Variants in THRAP3 observed in about 807,000 individuals in gnomAD.
The protein encoded by THRAP3 is thyroid hormone receptor-associated protein 3.
THRAP3 carries 16 observed loss-of-function variants against 101.0 expected under a neutral mutation model. That is an observed-to-expected ratio of 0.16 (90% CI 0.11 to 0.24). The LOEUF is 0.24. Among genes scored for constraint, THRAP3 ranks in the 10% least tolerant of loss-of-function variants. The pLI is 1.00. For missense variants in THRAP3, 989 were observed against 1,202.7 expected (o/e 0.82, Z 2.63); for synonymous variants, 407 against 422.6 (o/e 0.96, Z 0.45).
the THRAP3 span, among the ~76,000 whole-genome samples, chr1:36,208,135 G>A: frequency 2.1e-3 from 317 of 152,272 alleles, 1 homozygote; most frequent in Admixed American, 4.4e-3. Flanking sequence ...CTAAACACAG[G>A]CACTGTGAGG....
At chr1:36,271,931 T>C (rs1228173455) in intron 2 of THRAP3, among the ~76,000 whole-genome samples, 1 of 152,032 alleles carries the variant, frequency 6.6e-6, no homozygotes, top group Non-Finnish European at 1.5e-5. Context: ...GGTTTTCCCA[T>C]GTTGGCCAGG....
intron 2 of THRAP3, among the ~76,000 whole-genome samples, chr1:36,279,766 C>T (rs1480272524): frequency 6.6e-6 from 1 of 152,166 alleles, no homozygotes; most frequent in Non-Finnish European, 1.5e-5. Flanking sequence ...ATAGCAGCTT[C>T]CTAGGCGTTT....
chr1:36,208,379 G>C, the THRAP3 span, among the ~76,000 whole-genome samples: 1 of 152,124 alleles, frequency 6.6e-6, no homozygotes, highest in Non-Finnish European at 1.5e-5. Context: ...AGTCAAGGGT[G>C]GGAATGTGAA....
Position 36,270,571 on chromosome 1 carries a change from G to GGTTTTTTTTTTTTTTTTTTTTTTTT in THRAP3, c.-32+11087_-32+11088insGTTTTTTTTTTTTTTTTTTTTTTTT, listed in dbSNP as rs1553121666. Among the ~76,000 whole-genome samples the GGTTTTTTTTTTTTTTTTTTTTTTTT allele has an allele frequency of 3.9e-3, 124 of 31,854 alleles. 7 individuals are homozygous for GGTTTTTTTTTTTTTTTTTTTTTTTT. Among genetic ancestry groups the GGTTTTTTTTTTTTTTTTTTTTTTTT allele is most frequent in the African/African-American group, 8.3e-3 (118 of 14,160 alleles). 20.9% of individuals were successfully genotyped at this position (31,854 alleles called of 152,430 possible). A position where few individuals can be genotyped will look rare whatever the true frequency, so the allele number is the denominator to read the frequency against. On this transcript the variant is annotated intron_variant, in intron 2 of 11. Coordinates refer to ENST00000354618, the MANE Select transcript of THRAP3 (RefSeq NM_005119.4). ...TAAAAATACAGTTCTATTTGTTTAG[G>GGTTTTTTTTTTTTTTTTTTTTTTTT]TTTTTGTTTTTTTTTTTTTTTTTGA...
At chr1:36,222,745 G>A (rs971196061), upstream of THRAP3, among the ~76,000 whole-genome samples, 1 of 152,194 alleles carries the variant, frequency 6.6e-6, no homozygotes, top group South Asian at 2.1e-4. Context: ...CCAAAATTAT[G>A]TATTTTGGTA....
At chr1:36,219,029 T>A in the THRAP3 span, among the ~76,000 whole-genome samples, 4 of 93,634 alleles carry the variant, frequency 4.3e-5, no homozygotes, top group Admixed American at 1.4e-4. Context: ...CAAGGCTCCA[T>A]CTCAAAAAAA....
rs1315576965 is a variant in THRAP3, at chr1:36,300,931, C to T, written c.2349C>T (p.Ser783=). Residue 783 remains serine, a synonymous_variant, in exon 10 of 12, where the codon TCC becomes TCT. Transcript: ENST00000354618. ...ACAGGTCCAGATCCTCCTCCTCTTC[C>T]TCCCAGTCATCTCACTCCTACAAAG... The part of the protein sequence containing the change: ...ARDRSRSSSS[S]SQSSHSYKAE... 6.2e-7 allele frequency: 1 copy of T among 1,614,058 alleles called. No individual in the cohort carries two copies. The highest frequency in any genetic ancestry group is 1.7e-5 in the Admixed American group (1 of 60,008).
rs1025842419 is a variant in THRAP3, at chr1:36,286,389, A to C, written c.159A>C (p.Ser53=). 1.9e-6 allele frequency: 3 copies of C among 1,597,160 alleles called. No individual in the cohort carries two copies. In the African/African-American group the frequency reaches 4.1e-5, roughly 22 times the overall value. Residue 53 remains serine (S), a synonymous_variant, in exon 4 of 12, where the codon TCA becomes TCC. Coordinates refer to ENST00000354618, the MANE Select transcript of THRAP3 (RefSeq NM_005119.4). The surrounding 1 kb of genome is among the most constrained non-coding windows in gnomAD (Gnocchi z 5.5). The part of the protein sequence containing the change: ...RRLSSRSRSR[S]YSPAHNRERN... ...CCAGTTCTAGGTCTCGTTCCAGATC[A>C]TATTCTCCAGCTCATAACAGAGAAA...
At chr1:36,268,247 A>AT (rs112516397) in intron 2 of THRAP3, among the ~76,000 whole-genome samples, 170 of 146,658 alleles carry the variant, frequency 1.2e-3, no homozygotes, top group Middle Eastern at 7.0e-3. Flanking sequence ...GGTCAGCATC[A>AT]TTTTTTTTTT....
chr1:36,300,537 C>T (rs9659765), intron 9 of THRAP3, among the ~76,000 whole-genome samples: 121,465 of 152,174 alleles, frequency 0.8, 50,075 homozygotes, highest in East Asian at 0.94. Context: ...GTACCAGATA[C>T]TTTGGAGCTC....
chr1:36,257,371 T>C (rs1475360208), intron 1 of THRAP3, among the ~76,000 whole-genome samples: 1 of 152,230 alleles, frequency 6.6e-6, no homozygotes, highest in African/African-American at 2.4e-5. Context: ...TTTAGAATAG[T>C]GCCTGGCATG....
chr1:36,289,064 C>G lies in THRAP3; in HGVS notation c.1045C>G (p.Leu349Val). Residue 349 changes from leucine (L) to valine (V), a missense_variant, in exon 5 of 12, where the codon CTA (leucine) becomes GTA (valine). Physicochemically the swap from Leu to Val is conservative, Grantham distance 32. Coordinates refer to ENST00000354618, the MANE Select transcript of THRAP3 (RefSeq NM_005119.4). ...CTCTTGTGTTTTTATAAATAGGTAT[C>G]TAGAAGAGCAGAAGACAGAGAATGG... The part of the protein sequence containing the change: ...SGGAAYTKRY[L>V]EEQKTENGKD... The G allele has an allele frequency of 6.3e-7, 1 of 1,576,864 alleles. No individual in the cohort carries two copies. Among genetic ancestry groups the G allele is most frequent in the South Asian group, 1.2e-5 (1 of 84,224 alleles).
intron 1 of THRAP3, among the ~76,000 whole-genome samples, chr1:36,230,845 G>A (rs1645020088): frequency 6.6e-6 from 1 of 152,128 alleles, no homozygotes; most frequent in Non-Finnish European, 1.5e-5. Flanking sequence ...ATTTAAAAAG[G>A]AGATTTTGTG....
At chr1:36,216,206 G>C in the THRAP3 span, among the ~76,000 whole-genome samples, 3 of 151,818 alleles carry the variant, frequency 2.0e-5, no homozygotes, top group South Asian at 6.2e-4. Flanking sequence ...CAGTGAGACC[G>C]TGTCTCTACA....
chr1:36,233,162 C>T (rs1645048242), intron 1 of THRAP3, among the ~76,000 whole-genome samples: 1 of 151,218 alleles, frequency 6.6e-6, no homozygotes, highest in African/African-American at 2.4e-5. Flanking sequence ...GCCACTGCAC[C>T]TGGCCATCGA....
chr1:36,211,059 A>T, the THRAP3 span, among the ~76,000 whole-genome samples: 1 of 151,482 alleles, frequency 6.6e-6, no homozygotes, highest in Non-Finnish European at 1.5e-5. Flanking sequence ...ATAAAAAAAA[A>T]TTAAAAACCC....
At chr1:36,280,580 A>G (rs1645717596) in intron 2 of THRAP3, among the ~76,000 whole-genome samples, 1 of 152,190 alleles carries the variant, frequency 6.6e-6, no homozygotes, top group Non-Finnish European at 1.5e-5. Context: ...TTCACAGACA[A>G]GAGGCAGCAT....
chr1:36,300,777 C>T, intron 9 of THRAP3, 109 bp from the exon 10 acceptor site: 3 of 1,099,884 alleles, frequency 2.7e-6, no homozygotes, highest in South Asian at 1.4e-5. Context: ...TCATCAGTTT[C>T]TTCCATCACA....
intron 1 of THRAP3, among the ~76,000 whole-genome samples, chr1:36,257,125 C>A (rs1239110945): frequency 6.6e-6 from 1 of 152,140 alleles, no homozygotes; most frequent in African/African-American, 2.4e-5. Flanking sequence ...ATTTTTGTCT[C>A]TTCCTCAGAC....
Sources: allele counts gnomAD v4.1 joint callset (sites outside exome capture counted in the v4.1 genomes callset), GRCh38; gene constraint gnomAD v4.1.1; non-coding constraint Gnocchi (gnomAD v3.1); transcripts MANE v1.5; gene names NCBI Gene and HGNC (gene_info 2026-07-23, HGNC 2026-07-21).